The following OSBPL3 variants were observed in gnomAD, a reference collection of about 807,000 sequenced individuals.
OSBPL3 encodes the protein oxysterol binding protein like 3, also known as oxysterol-binding protein-related protein 3.
A neutral mutation model predicts 120.1 loss-of-function variants in OSBPL3; 65 were observed. That is an observed-to-expected ratio of 0.54 (90% CI 0.44 to 0.67). The LOEUF (loss-of-function observed/expected upper bound fraction) is 0.67. OSBPL3 is among the 30% of genes least tolerant of loss of function. The pLI is 0.00. For synonymous variants in OSBPL3, 416 were observed against 402.6 expected (o/e 1.03, Z -0.40); for missense variants, 1,004 against 1,082.1 (o/e 0.93, Z 1.01).
rs1417263245 is a variant in OSBPL3 at position 24,867,455 on chromosome 7, G to C, written c.382-1218C>G. Reference sequence around the variant, plus strand: ...TCCCACATTTTGTGGGAGGGACCTGGTCAGTGAGAGGTAACTGGATCATGG... The same window carrying C: ...TCCCACATTTTGTGGGAGGGACCTGCTCAGTGAGAGGTAACTGGATCATGG... On this transcript the variant is annotated intron_variant, in intron 5 of 22. Transcript: ENST00000313367. This position sits in a 1 kb window ranked among gnomAD's most constrained non-coding sequence, Gnocchi z 4.5. 6.6e-6 allele frequency among the ~76,000 whole-genome samples: 1 copy of C among 152,102 alleles called. No homozygotes were observed. Among genetic ancestry groups the C allele is most frequent in the African/African-American group, 2.4e-5 (1 of 41,416 alleles).
chr7:24,932,389 A>T lies in OSBPL3; in HGVS notation c.-149-39768T>A, dbSNP rs928614577. On this transcript the variant is annotated intron_variant, in intron 1 of 22. Transcript: ENST00000313367. This position sits in a 1 kb window ranked among gnomAD's most constrained non-coding sequence, Gnocchi z 5.6. ...GAGAACACCACCAACACAAACCAGG[A>T]TCATAAACATCCTAGAGAAAATGAA... 6.6e-6 allele frequency among the ~76,000 whole-genome samples: 1 copy of T among 152,192 alleles called. No homozygotes were observed. Among genetic ancestry groups the T allele is most frequent in the Non-Finnish European group, 1.5e-5 (1 of 68,028 alleles).
intron 16 of OSBPL3, among the ~76,000 whole-genome samples, chr7:24,826,817 T>C (rs913887088): frequency 6.6e-6 from 1 of 152,184 alleles, no homozygotes; most frequent in Non-Finnish European, 1.5e-5. Context: ...TTTTGGGTCT[T>C]TTAGACGAGA....
chr7:24,876,114 T>C (rs1802802487), intron 2 of OSBPL3, among the ~76,000 whole-genome samples: 1 of 152,226 alleles, frequency 6.6e-6, no homozygotes, highest in South Asian at 2.1e-4. Flanking sequence ...CATTAATTCC[T>C]CACTTGTGCT....
rs1327991209 is a variant in OSBPL3, at chr7:24,827,779, C to G, written c.1884+2989G>C. Among the ~76,000 whole-genome samples the G allele has an allele frequency of 2.6e-5, 4 of 152,164 alleles. No individual in the cohort carries two copies. Among genetic ancestry groups the G allele is most frequent in the Admixed American group, 2.6e-4 (4 of 15,272 alleles). On this transcript the variant is annotated intron_variant, in intron 16 of 22. Coordinates refer to ENST00000313367, the MANE Select transcript of OSBPL3 (RefSeq NM_015550.4). The surrounding 1 kb of genome is among the most constrained non-coding windows in gnomAD (Gnocchi z 5.1). ...ACAGATGAAGCAGCTCCATGATGAT[C>G]AGGACTGGTGGTATGACCATGGTGA...
In OSBPL3 at chr7:24,797,600, A is replaced by T. The variant is rs765441642; in HGVS notation, c.*2583T>A. 1 of 152,146 alleles carries T rather than the reference A, an allele frequency of 6.6e-6. No homozygotes were observed. The highest frequency in any genetic ancestry group is 1.5e-5 in the Non-Finnish European group (1 of 68,032). The allele number at this position is 152,146 out of a possible 1,614,324, so 9.4% of individuals were successfully genotyped here. Reference sequence around the variant, plus strand: ...CTGGAGACTGTTAGCTCATTTCTGAATGGATTTCCTGCAGCGTGGGGTAGT... The same window carrying T: ...CTGGAGACTGTTAGCTCATTTCTGATTGGATTTCCTGCAGCGTGGGGTAGT... On this transcript the variant is annotated 3_prime_UTR_variant, in exon 23 of 23. Coordinates refer to ENST00000313367, the MANE Select transcript of OSBPL3 (RefSeq NM_015550.4). The surrounding 1 kb of genome is among the most constrained non-coding windows in gnomAD (Gnocchi z 4.8).
chr7:24,845,835 A>G (rs2128215193), intron 12 of OSBPL3, among the ~76,000 whole-genome samples: 1 of 152,318 alleles, frequency 6.6e-6, no homozygotes, highest in South Asian at 2.1e-4. Context: ...ATGCAATGAG[A>G]AGATTTAAAC....
intron 12 of OSBPL3, among the ~76,000 whole-genome samples, chr7:24,843,769 A>G (rs1480831655): frequency 3.3e-5 from 5 of 152,212 alleles, no homozygotes; most frequent in African/African-American, 9.6e-5. Context: ...TTTAGAATCT[A>G]TAAGTATCAC....
chr7:24,935,806 G>A lies in OSBPL3; in HGVS notation c.-149-43185C>T, dbSNP rs142426793. On this transcript the variant is annotated intron_variant, in intron 1 of 22. Coordinates refer to ENST00000313367, the MANE Select transcript of OSBPL3 (RefSeq NM_015550.4). ...TGTATTCTGGCATCTATTTTGCAAT[G>A]AGTATGAGTTGCTTTAATAAAGCAG... 4.9e-3 allele frequency among the ~76,000 whole-genome samples: 750 copies of A among 152,016 alleles called. 6 individuals are homozygous for A. Among genetic ancestry groups the A allele is most frequent in the African/African-American group, 0.017 (697 of 41,474 alleles).
In OSBPL3 at chr7:24,979,818, C is replaced by T. The variant is rs907409006; in HGVS notation, c.-150+68G>A. 43 of 921,128 alleles carry T rather than the reference C, an allele frequency of 4.7e-5. No homozygotes were observed. In the Admixed American group the frequency reaches 1.8e-3, roughly 40 times the overall value. 57.1% of individuals were successfully genotyped at this position (921,128 alleles called of 1,614,324 possible). A position where few individuals can be genotyped will look rare whatever the true frequency, so the allele number is the denominator to read the frequency against. ...CGGCGCCCCGCAAACAGCAGCCCTT[C>T]CGAGCCCGCGCCGCCGCCAGGCCCC... is the stretch of plus-strand genomic sequence containing the variant. On this transcript the variant is annotated intron_variant, in intron 1 of 22. Coordinates refer to ENST00000313367, the MANE Select transcript of OSBPL3 (RefSeq NM_015550.4).
At position 24,952,977 on chromosome 7, in the gene OSBPL3, A is replaced by C. The variant is rs1333279684; in HGVS notation, c.-150+26909T>G. On this transcript the variant is annotated intron_variant, in intron 1 of 22. Transcript: ENST00000313367. This position sits in a 1 kb window ranked among gnomAD's most constrained non-coding sequence, Gnocchi z 4.4. ...ACAGCAAGACACTGTCTCTACAAAA[A>C]AATCTAAAAATTAGCCAGGCATGGT... is the stretch of plus-strand genomic sequence containing the variant. Among the ~76,000 whole-genome samples the C allele has an allele frequency of 6.6e-6, 1 of 152,064 alleles. No individual in the cohort carries two copies. Among genetic ancestry groups the C allele is most frequent in the African/African-American group, 2.4e-5 (1 of 41,394 alleles).
rs959816218 is a variant in OSBPL3 at position 24,952,602 on chromosome 7, T to C, written c.-150+27284A>G. Among the ~76,000 whole-genome samples, 3 of 152,230 alleles carry C rather than the reference T, an allele frequency of 2.0e-5. No individual in the cohort carries two copies. The highest frequency in any genetic ancestry group is 2.9e-5 in the Non-Finnish European group (2 of 68,038). ...GGAGACTAGGTACTCAAATTTATCA[T>C]GTATCTCAATACGGTTCATGCCAGG... is the stretch of plus-strand genomic sequence containing the variant. On this transcript the variant is annotated intron_variant, in intron 1 of 22. Transcript: ENST00000313367. This position sits in a 1 kb window ranked among gnomAD's most constrained non-coding sequence, Gnocchi z 4.4.
At chr7:24,950,345 C>T (rs1814244029) in intron 1 of OSBPL3, among the ~76,000 whole-genome samples, 1 of 152,198 alleles carries the variant, frequency 6.6e-6, no homozygotes, top group Admixed American at 6.5e-5. Flanking sequence ...CTAGGGCTTA[C>T]AACTTGAAAT....
At position 24,831,210 on chromosome 7, in the gene OSBPL3, A is replaced by T. The variant is rs893193970; in HGVS notation, c.1747-305T>A. 2.0e-5 allele frequency among the ~76,000 whole-genome samples: 3 copies of T among 152,208 alleles called. No individual in the cohort carries two copies. Among genetic ancestry groups the T allele is most frequent in the African/African-American group, 7.2e-5 (3 of 41,458 alleles). On this transcript the variant is annotated intron_variant, in intron 15 of 22. Transcript: ENST00000313367. The surrounding 1 kb of genome is among the most constrained non-coding windows in gnomAD (Gnocchi z 4.0). ...ACTGTTTCTGGAAACTGTTAAGCTG[A>T]GTCCAGTACTTTTAAGCCTGACAGT... is the stretch of plus-strand genomic sequence containing the variant.
rs1347231560 is a variant in OSBPL3 at position 24,796,549 on chromosome 7, A to G, written c.*3634T>C. 6.6e-6 allele frequency: 1 copy of G among 152,038 alleles called. No individual in the cohort carries two copies. The highest frequency in any genetic ancestry group is 1.5e-5 in the Non-Finnish European group (1 of 67,988). The allele number at this position is 152,038 out of a possible 1,614,324, so 9.4% of individuals were successfully genotyped here. ...AAAGACAAAAGTGGCCTTTTTTTCC[A>G]TGTTATTTATTCACATTCAACTAGC... On this transcript the variant is annotated 3_prime_UTR_variant, in exon 23 of 23. Transcript: ENST00000313367. The surrounding 1 kb of genome is among the most constrained non-coding windows in gnomAD (Gnocchi z 5.2).
rs1803691564 is a variant in OSBPL3, at chr7:24,881,585, G to C, written c.97-9516C>G. On this transcript the variant is annotated intron_variant, in intron 2 of 22. Coordinates refer to ENST00000313367, the MANE Select transcript of OSBPL3 (RefSeq NM_015550.4). This position sits in a 1 kb window ranked among gnomAD's most constrained non-coding sequence, Gnocchi z 4.3. ...AGATTCACACAAACCTGCTGCAGGA[G>C]TTCAGACAGGCATAATCTCCAAAGC... is the stretch of plus-strand genomic sequence containing the variant. 6.6e-6 allele frequency among the ~76,000 whole-genome samples: 1 copy of C among 152,202 alleles called. No homozygotes were observed. The highest frequency in any genetic ancestry group is 1.9e-4 in the East Asian group (1 of 5,198).
Position 24,806,818 on chromosome 7 carries a change from G to T in OSBPL3, c.2402C>A (p.Ser801Tyr). Residue 801 changes from serine (S) to tyrosine (Y), a missense_variant, in exon 21 of 23, where the codon TCT becomes TAT. Physicochemically the swap from Ser to Tyr is moderately radical, Grantham distance 144. Around this residue, in one of 4 missense-constraint regions of OSBPL3, gnomAD observed 473 missense variants for 568.0 expected, o/e 0.83. Transcript: ENST00000313367. This position sits in a 1 kb window ranked among gnomAD's most constrained non-coding sequence, Gnocchi z 5.2. ...TCGAGTGTCAGTAGGTGGCAATAAA[G>T]ACTTTGATGATGGATCCATTTCATT... ...ELNEMDPSSKSLLPPTDTRFR... is the reference protein window; with the variant it reads ...ELNEMDPSSKYLLPPTDTRFR... 1 of 1,613,900 alleles carries T rather than the reference G, an allele frequency of 6.2e-7. No individual in the cohort carries two copies. The highest frequency in any genetic ancestry group is 8.5e-7 in the Non-Finnish European group (1 of 1,179,782).
At chr7:24,868,470 TA>T (rs1801671114) in intron 5 of OSBPL3, among the ~76,000 whole-genome samples, 1 of 151,328 alleles carries the variant, frequency 6.6e-6, no homozygotes, top group South Asian at 2.1e-4. Flanking sequence ...AGCTGTAATT[TA>T]AGATAATCCA....
At chr7:24,856,834 C>T (rs1562834904) in intron 10 of OSBPL3, among the ~76,000 whole-genome samples, 1 of 152,218 alleles carries the variant, frequency 6.6e-6, no homozygotes, top group Non-Finnish European at 1.5e-5. Flanking sequence ...CTGGGACACT[C>T]TGATCTTCTG....
At chr7:24,880,737 G>A (rs1584485757) in intron 2 of OSBPL3, among the ~76,000 whole-genome samples, 1 of 152,220 alleles carries the variant, frequency 6.6e-6, no homozygotes, top group Non-Finnish European at 1.5e-5. Flanking sequence ...GGCTTTTAAG[G>A]ACCAGGACCC....
Sources: gnomAD v4.1 joint callset for allele counts (sites outside exome capture counted in the v4.1 genomes callset) on GRCh38, gnomAD v4.1.1 for gene constraint, gnomAD v4.1.1 regional missense constraint, Gnocchi (gnomAD v3.1) non-coding constraint, MANE v1.5 for transcripts, NCBI Gene and HGNC (gene_info 2026-07-23, HGNC 2026-07-21) for gene names.